Variants in CCDC60 observed in about 807,000 individuals in gnomAD.
CCDC60 encodes coiled-coil domain-containing protein 60.
A neutral mutation model predicts 63.5 loss-of-function variants in CCDC60; 54 were observed. That is an observed-to-expected ratio of 0.85 (90% confidence interval 0.68 to 1.07). The LOEUF (loss-of-function observed/expected upper bound fraction) is 1.07, where lower values mean the gene tolerates loss of function less well. Among genes scored for constraint, CCDC60 ranks in the 50% least tolerant of loss-of-function variants. The pLI is 0.00. For synonymous variants in CCDC60, 206 were observed against 238.8 expected, an observed-to-expected ratio of 0.86 and a Z score of 1.27; for missense variants, 651 against 684.3, an observed-to-expected ratio of 0.95 and a Z score of 0.54.
At chr12:119,538,763 A>C (rs536493990) in intron 13 of CCDC60, among the ~76,000 whole-genome samples, 1 of 152,306 alleles carries the variant, frequency 6.6e-6, no homozygotes, top group East Asian at 1.9e-4. Flanking sequence ...TTGGAGGAGA[A>C]GAAGCGTTCT....
chr12:119,342,421 G>A (rs939295387), intron 1 of CCDC60, among the ~76,000 whole-genome samples: 1 of 152,226 alleles, frequency 6.6e-6, no homozygotes, highest in Non-Finnish European at 1.5e-5. Context: ...GCAAGGAAGC[G>A]ATGGTGATAT....
intron 9 of CCDC60, among the ~76,000 whole-genome samples, chr12:119,521,111 T>C (rs956948341): frequency 4.6e-5 from 7 of 152,196 alleles, no homozygotes; most frequent in East Asian, 3.9e-4. Context: ...ACAATCAAAT[T>C]TGGAATATGG....
chr12:119,359,266 A>C (rs1329598683), intron 1 of CCDC60, among the ~76,000 whole-genome samples: 1 of 152,178 alleles, frequency 6.6e-6, no homozygotes, highest in Non-Finnish European at 1.5e-5. Flanking sequence ...TGCCAGTTCA[A>C]GTCTCTTGTT....
At chr12:119,475,796 T>G (rs1294603034) in intron 3 of CCDC60, among the ~76,000 whole-genome samples, 3 of 152,218 alleles carry the variant, frequency 2.0e-5, no homozygotes, top group African/African-American at 7.2e-5. Context: ...AAATGATACT[T>G]AGCCTAGAGT....
At chr12:119,491,989 T>A (rs1253790397) in intron 5 of CCDC60, among the ~76,000 whole-genome samples, 1 of 152,202 alleles carries the variant, frequency 6.6e-6, no homozygotes, top group Non-Finnish European at 1.5e-5. Context: ...GACGTAGTGG[T>A]CACATTGAGA....
At chr12:119,522,314 G>A (rs889275748) in intron 9 of CCDC60, among the ~76,000 whole-genome samples, 2 of 152,174 alleles carry the variant, frequency 1.3e-5, no homozygotes, top group African/African-American at 2.4e-5. Flanking sequence ...CCCCCTCTAG[G>A]AAGCTTGCCC....
intron 7 of CCDC60, among the ~76,000 whole-genome samples, chr12:119,506,938 G>A (rs74681813): frequency 0.13 from 19,953 of 152,044 alleles, 1,862 homozygotes; most frequent in East Asian, 0.47. Flanking sequence ...GTAAGACAGG[G>A]ACATGAAGGA....
chr12:119,424,482 C>T (rs1956866993), intron 1 of CCDC60, among the ~76,000 whole-genome samples: 2 of 152,120 alleles, frequency 1.3e-5, no homozygotes, highest in Admixed American at 6.5e-5. Flanking sequence ...TAAACATCCT[C>T]GGGGATAAAT....
At chr12:119,472,576 CTTTTTTTTTTTT>C (rs11303138) in intron 3 of CCDC60, among the ~76,000 whole-genome samples, 4 of 97,654 alleles carry the variant, frequency 4.1e-5, no homozygotes. Context: ...AAAATGCCTC[CTTTTTTTTTTTT>C]TTTTTTTTTT....
chr12:119,506,438 C>CAAAAAAAAAA (rs35584778), intron 7 of CCDC60, among the ~76,000 whole-genome samples: 2 of 87,392 alleles, frequency 2.3e-5, no homozygotes, highest in African/African-American at 4.3e-5. Flanking sequence ...CCTCATCTCT[C>CAAAAAAAAAA]AAAAAAAAAA....
intron 2 of CCDC60, among the ~76,000 whole-genome samples, chr12:119,454,058 A>T (rs1285667122): frequency 6.6e-6 from 1 of 152,224 alleles, no homozygotes; most frequent in Non-Finnish European, 1.5e-5. Context: ...CCAAATTTTA[A>T]AGGTGAGGAA....
chr12:119,501,048 A>G (rs1015147039), intron 6 of CCDC60, among the ~76,000 whole-genome samples: 5 of 152,230 alleles, frequency 3.3e-5, no homozygotes, highest in Non-Finnish European at 5.9e-5. Context: ...GCAAAAGGTA[A>G]TATTGAGATA....
At chr12:119,433,975 G>A (rs1042790158) in intron 2 of CCDC60, among the ~76,000 whole-genome samples, 7 of 152,152 alleles carry the variant, frequency 4.6e-5, no homozygotes, top group African/African-American at 7.2e-5. Context: ...GTGCGATGAC[G>A]TACCTTCCTG....
chr12:119,341,028 C>T (rs1024171703), intron 1 of CCDC60, among the ~76,000 whole-genome samples: 1 of 152,202 alleles, frequency 6.6e-6, no homozygotes, highest in Non-Finnish European at 1.5e-5. Context: ...CCAAGAGGTT[C>T]TTCTAGCTCC....
chr12:119,494,832 T>A (rs542709551), intron 5 of CCDC60, among the ~76,000 whole-genome samples: 1 of 151,802 alleles, frequency 6.6e-6, no homozygotes, highest in East Asian at 1.9e-4. Flanking sequence ...AATACAAAAT[T>A]AGCCAGGCTT....
chr12:119,471,944 A>G (rs1593136615), intron 2 of CCDC60, 50 bp from the exon 3 acceptor site: 1 of 1,479,808 alleles, frequency 6.8e-7, no homozygotes, highest in African/African-American at 1.5e-5. Context: ...CTCTCTCTCC[A>G]CCCTCCCACC....
At chr12:119,439,530 G>A (rs773579503) in intron 2 of CCDC60, among the ~76,000 whole-genome samples, 6 of 152,182 alleles carry the variant, frequency 3.9e-5, no homozygotes, top group Non-Finnish European at 7.3e-5. Flanking sequence ...CAACAATGCT[G>A]ACCTCTGTTC....
intron 1 of CCDC60, among the ~76,000 whole-genome samples, chr12:119,385,234 A>T (rs761402411): frequency 3.3e-5 from 5 of 152,116 alleles, no homozygotes; most frequent in Admixed American, 6.5e-5. Flanking sequence ...GAGAATGACA[A>T]CTTAATGACC....
At chr12:119,525,039 A>G (rs1952648249) in intron 11 of CCDC60, among the ~76,000 whole-genome samples, 1 of 152,112 alleles carries the variant, frequency 6.6e-6, no homozygotes, top group African/African-American at 2.4e-5. Context: ...TCATGGATGT[A>G]AGAGCTTTGT....
Sources: allele counts gnomAD v4.1 joint callset (sites outside exome capture counted in the v4.1 genomes callset), GRCh38; gene constraint gnomAD v4.1.1; transcripts MANE v1.5; gene names NCBI Gene and HGNC (gene_info 2026-07-23, HGNC 2026-07-21).